FER: variants seen among roughly 807,000 people sequenced by gnomAD.
FER encodes tyrosine-protein kinase Fer.
Under a neutral mutation model 111.0 loss-of-function variants are expected in FER, and 63 were observed. The ratio of observed to expected loss-of-function variants is 0.57; its 90% CI spans 0.46 to 0.70. The LOEUF (loss-of-function observed/expected upper bound fraction) is 0.70. FER is among the 30% of genes least tolerant of loss of function. The pLI is 0.00. For missense variants in FER, 914 were observed against 954.0 expected (o/e 0.96, Z 0.55); for synonymous variants, 327 against 313.9 (o/e 1.04, Z -0.44).
chr5:109,158,287 G>A (rs543444134), intron 17 of FER, among the ~76,000 whole-genome samples: 3 of 152,156 alleles, frequency 2.0e-5, no homozygotes, highest in Admixed American at 1.3e-4. Context: ...GGGGTCAGAA[G>A]TCGGGGTCGG....
chr5:108,768,464 T>A (rs191833904), intron 2 of FER, among the ~76,000 whole-genome samples: 1 of 152,218 alleles, frequency 6.6e-6, no homozygotes, highest in Non-Finnish European at 1.5e-5. Flanking sequence ...CTAACACTTA[T>A]AATTAGCAGA....
At chr5:108,993,617 A>AGGGCGAGGGCG (rs1561737107) in intron 13 of FER, among the ~76,000 whole-genome samples, 69 of 105,044 alleles carry the variant, frequency 6.6e-4, no homozygotes, top group African/African-American at 2.3e-3. Context: ...GGGAGAGGGC[A>AGGGCGAGGGCG]AGGGCGAGGG....
At chr5:108,973,963 A>G (rs1761002758) in intron 13 of FER, among the ~76,000 whole-genome samples, 1 of 152,166 alleles carries the variant, frequency 6.6e-6, no homozygotes, top group Admixed American at 6.5e-5. Flanking sequence ...GTTTGAAAAG[A>G]CTTCTTCACT....
intron 2 of FER, among the ~76,000 whole-genome samples, chr5:108,774,731 T>G (rs2149978193): frequency 6.6e-6 from 1 of 151,882 alleles, no homozygotes; most frequent in South Asian, 2.1e-4. Context: ...TTTGCCCACT[T>G]TTAGAAGGGT....
At chr5:109,147,792 T>TAG (rs1357939664) in intron 17 of FER, among the ~76,000 whole-genome samples, 11 of 136,088 alleles carry the variant, frequency 8.1e-5, no homozygotes, top group South Asian at 2.4e-4. Context: ...TATATATATA[T>TAG]ATATATATAG....
Position 108,897,866 on chromosome 5 carries a change from C to A in FER, c.1236+18C>A. On this transcript the variant is annotated intron_variant, in intron 10 of 19. Coordinates refer to ENST00000281092, the MANE Select transcript of FER (RefSeq NM_005246.4). ...CATCTATGGTAAGCTAAAGAATAAT[C>A]CAATGAGAAACTTGGAAGAGTAGTG... The A allele has an allele frequency of 6.4e-7, 1 of 1,572,900 alleles. No individual in the cohort carries two copies. Among genetic ancestry groups the A allele is most frequent in the African/African-American group, 1.4e-5 (1 of 72,530 alleles).
intron 3 of FER, among the ~76,000 whole-genome samples, chr5:108,821,191 T>C (rs1009771105): frequency 2.0e-5 from 3 of 152,224 alleles, no homozygotes; most frequent in African/African-American, 4.8e-5. Context: ...GAAATTCTGC[T>C]GACATTGAAG....
chr5:108,910,124 C>T (rs1751338082), intron 10 of FER, among the ~76,000 whole-genome samples: 1 of 151,716 alleles, frequency 6.6e-6, no homozygotes, highest in East Asian at 1.9e-4. Context: ...TAAAAATGGA[C>T]AAAGATTATG....
chr5:109,124,747 C>A (rs1751464455), intron 17 of FER, among the ~76,000 whole-genome samples: 1 of 151,796 alleles, frequency 6.6e-6, no homozygotes, highest in Non-Finnish European at 1.5e-5. Context: ...ATAAACATTC[C>A]TTTTAAGATA....
At chr5:109,161,258 A>G (rs754986451) in intron 17 of FER, among the ~76,000 whole-genome samples, 8 of 151,640 alleles carry the variant, frequency 5.3e-5, no homozygotes, top group Non-Finnish European at 1.0e-4. Context: ...GGCCATAAGT[A>G]TCTTGAAATA....
At chr5:108,872,235 C>T in intron 8 of FER, 23 bp downstream of exon 8, 1 of 1,574,902 alleles carries the variant, frequency 6.3e-7, no homozygotes, top group East Asian at 2.3e-5. Flanking sequence ...AAAATATCAA[C>T]AGTTTAAATA....
chr5:109,019,258 A>G (rs1767606984), intron 13 of FER, among the ~76,000 whole-genome samples: 1 of 151,784 alleles, frequency 6.6e-6, no homozygotes, highest in African/African-American at 2.4e-5. Flanking sequence ...TGATTATGTC[A>G]TATTCTCTAG....
chr5:109,173,662 C>T (rs1481039343), intron 17 of FER, among the ~76,000 whole-genome samples: 1 of 152,080 alleles, frequency 6.6e-6, no homozygotes, highest in Non-Finnish European at 1.5e-5. Context: ...ACATATCAGC[C>T]CTGTCCTCCT....
chr5:109,131,095 A>C (rs1038279115), intron 17 of FER, among the ~76,000 whole-genome samples: 1 of 152,188 alleles, frequency 6.6e-6, no homozygotes, highest in African/African-American at 2.4e-5. Context: ...TAGAGAAGAG[A>C]GAAACTGATT....
intron 13 of FER, among the ~76,000 whole-genome samples, chr5:108,973,612 T>C (rs1760962769): frequency 6.6e-6 from 1 of 152,132 alleles, no homozygotes; most frequent in Admixed American, 6.5e-5. Context: ...TGAACGTTGA[T>C]TGATAGTTAT....
At chr5:109,035,269 G>A (rs1361816344) in intron 13 of FER, among the ~76,000 whole-genome samples, 2 of 151,760 alleles carry the variant, frequency 1.3e-5, no homozygotes, top group Non-Finnish European at 2.9e-5. Context: ...ATAACCCCCC[G>A]CAAAGTTGCT....
At chr5:108,839,178 T>C (rs1760978822) in intron 5 of FER, among the ~76,000 whole-genome samples, 1 of 152,170 alleles carries the variant, frequency 6.6e-6, no homozygotes, top group Admixed American at 6.5e-5. Context: ...AAATCACCTT[T>C]ACTAGATTTA....
chr5:108,843,366 T>A (rs1298645480), intron 5 of FER, among the ~76,000 whole-genome samples: 1 of 152,218 alleles, frequency 6.6e-6, no homozygotes, highest in African/African-American at 2.4e-5. Flanking sequence ...ATCAAATTAT[T>A]CTGAATCTAT....
chr5:109,067,212 G>T (rs1247765398), intron 16 of FER, among the ~76,000 whole-genome samples: 1 of 150,912 alleles, frequency 6.6e-6, no homozygotes, highest in Non-Finnish European at 1.5e-5. Flanking sequence ...GTGTGTTAGG[G>T]AGTGGAGTGA....
Sources: gnomAD v4.1 joint callset for allele counts (sites outside exome capture counted in the v4.1 genomes callset) on GRCh38, gnomAD v4.1.1 for gene constraint, MANE v1.5 for transcripts, NCBI Gene and HGNC (gene_info 2026-07-23, HGNC 2026-07-21) for gene names.